PPARGC1A: variants seen among roughly 807,000 people sequenced by gnomAD.
PPARGC1A encodes peroxisome proliferator-activated receptor gamma coactivator 1-alpha.
In PPARGC1A, 25 loss-of-function variants were observed where a neutral mutation model predicts 88.7. The observed-to-expected ratio is 0.28, with a 90% CI of 0.21 to 0.39. The LOEUF is 0.39. PPARGC1A is among the 10% of genes least tolerant of loss of function. The probability of loss-of-function intolerance (pLI) is 1.00; values close to 1 mark genes in which losing one functional copy is unlikely to be tolerated. For missense variants in PPARGC1A, 880 were observed against 968.7 expected (o/e 0.91, Z 1.22); for synonymous variants, 363 against 355.6 (o/e 1.02, Z -0.24).
upstream of PPARGC1A, among the ~76,000 whole-genome samples, chr4:23,901,288 T>G (rs1404559425): frequency 6.7e-6 from 1 of 148,496 alleles, no homozygotes; most frequent in Non-Finnish European, 1.5e-5. Flanking sequence ...GAGAATGGCG[T>G]GAACCCGGGA....
chr4:24,227,081 T>C, the PPARGC1A span, among the ~76,000 whole-genome samples: 1 of 151,966 alleles, frequency 6.6e-6, no homozygotes, highest in Non-Finnish European at 1.5e-5. Flanking sequence ...TTCTAACACT[T>C]CTTTTTTTTT....
At chr4:24,198,928 G>A in the PPARGC1A span, among the ~76,000 whole-genome samples, 1 of 152,176 alleles carries the variant, frequency 6.6e-6, no homozygotes, top group Non-Finnish European at 1.5e-5. Context: ...ATGAGAAGTT[G>A]TCCTAAGCAA....
At chr4:24,367,387 C>T in the PPARGC1A span, among the ~76,000 whole-genome samples, 2 of 152,184 alleles carry the variant, frequency 1.3e-5, no homozygotes, top group African/African-American at 4.8e-5. Context: ...TGATCCTCAA[C>T]ACTCATCTTG....
At chr4:24,003,564 C>T in the PPARGC1A span, among the ~76,000 whole-genome samples, 1 of 152,078 alleles carries the variant, frequency 6.6e-6, no homozygotes, top group African/African-American at 2.4e-5. Context: ...AAGGAGCCAA[C>T]CACACAGACA....
the PPARGC1A span, among the ~76,000 whole-genome samples, chr4:24,164,249 T>C: frequency 6.6e-6 from 1 of 152,326 alleles, no homozygotes; most frequent in East Asian, 1.9e-4. Context: ...AGAGTGGGGC[T>C]GGTACCCGAT....
At chr4:23,855,599 C>A (rs536844181) in intron 2 of PPARGC1A, among the ~76,000 whole-genome samples, 1 of 152,254 alleles carries the variant, frequency 6.6e-6, no homozygotes, top group African/African-American at 2.4e-5. Context: ...TTAATATATG[C>A]TTAATAAGCA....
the PPARGC1A span, among the ~76,000 whole-genome samples, chr4:24,164,321 T>G: frequency 2.6e-5 from 4 of 152,192 alleles, no homozygotes; most frequent in Non-Finnish European, 5.9e-5. Context: ...TTTTCCTGGA[T>G]GAGACCACAT....
the PPARGC1A span, among the ~76,000 whole-genome samples, chr4:23,991,059 A>C: frequency 6.6e-6 from 1 of 152,032 alleles, no homozygotes; most frequent in Non-Finnish European, 1.5e-5. Context: ...TGAGAAAGAA[A>C]AGAGCTCTCT....
At chr4:24,085,611 C>T in the PPARGC1A span, among the ~76,000 whole-genome samples, 1 of 152,206 alleles carries the variant, frequency 6.6e-6, no homozygotes, top group African/African-American at 2.4e-5. Flanking sequence ...AGAAATTCAG[C>T]TGGTCTAATA....
the PPARGC1A span, among the ~76,000 whole-genome samples, chr4:23,992,455 T>C: frequency 1.3e-5 from 2 of 152,036 alleles, no homozygotes; most frequent in African/African-American, 2.4e-5. Context: ...AAAATGGGTA[T>C]TATGTTTCTC....
At chr4:24,095,645 T>A in the PPARGC1A span, among the ~76,000 whole-genome samples, 3 of 152,152 alleles carry the variant, frequency 2.0e-5, no homozygotes, top group African/African-American at 7.2e-5. Flanking sequence ...GGCAGTGTCC[T>A]AGTCCACTTG....
chr4:24,153,405 ATC>A, the PPARGC1A span, among the ~76,000 whole-genome samples: 10 of 152,268 alleles, frequency 6.6e-5, no homozygotes, highest in African/African-American at 2.4e-4. Context: ...GAAAGATTTG[ATC>A]TGAACAAAAA....
chr4:24,153,142 G>A, the PPARGC1A span, among the ~76,000 whole-genome samples: 1 of 152,130 alleles, frequency 6.6e-6, no homozygotes, highest in South Asian at 2.1e-4. Flanking sequence ...AACTATAGAG[G>A]AGCATAGAGT....
intron 10 of PPARGC1A, among the ~76,000 whole-genome samples, chr4:23,803,374 A>G (rs1719147629): frequency 6.6e-6 from 1 of 152,292 alleles, no homozygotes; most frequent in African/African-American, 2.4e-5. Flanking sequence ...TAAATAAAAG[A>G]GGCTATAAAT....
chr4:24,471,070 C>A, the PPARGC1A span, among the ~76,000 whole-genome samples: 2 of 151,418 alleles, frequency 1.3e-5, no homozygotes, highest in Non-Finnish European at 2.9e-5. The surrounding 1 kb of genome is among the most constrained non-coding windows in gnomAD (Gnocchi z 5.4). Flanking sequence ...CGCAAGCGGC[C>A]GAGGCTGGCT....
the PPARGC1A span, among the ~76,000 whole-genome samples, chr4:24,168,992 G>C: frequency 6.6e-6 from 1 of 152,178 alleles, no homozygotes; most frequent in Non-Finnish European, 1.5e-5. Flanking sequence ...GGGAAGATAA[G>C]AGAATAACTG....
At chr4:24,392,109 C>T in the PPARGC1A span, among the ~76,000 whole-genome samples, 5,222 of 152,160 alleles carry the variant, frequency 0.034, 330 homozygotes, top group African/African-American at 0.12. Context: ...TATTGTCATT[C>T]GCTTTTTTCC....
At chr4:23,836,373 A>G (rs1031937364) in intron 2 of PPARGC1A, among the ~76,000 whole-genome samples, 2 of 152,166 alleles carry the variant, frequency 1.3e-5, no homozygotes, top group African/African-American at 4.8e-5. Flanking sequence ...ACACAATGCA[A>G]TTCTTCCGAC....
At chr4:24,337,959 AG>A in the PPARGC1A span, among the ~76,000 whole-genome samples, 2 of 152,132 alleles carry the variant, frequency 1.3e-5, no homozygotes, top group Admixed American at 1.3e-4. Flanking sequence ...TTTGTCCTGC[AG>A]GGGTGGCTTT....
Sources: allele counts gnomAD v4.1 joint callset (sites outside exome capture counted in the v4.1 genomes callset), GRCh38; gene constraint gnomAD v4.1.1; non-coding constraint Gnocchi (gnomAD v3.1); transcripts MANE v1.5; gene names NCBI Gene and HGNC (gene_info 2026-07-23, HGNC 2026-07-21).